Variants in PLEKHS1 observed in about 807,000 individuals in gnomAD.
PLEKHS1 encodes pleckstrin homology domain-containing family S member 1.
Under a neutral mutation model 51.0 loss-of-function variants are expected in PLEKHS1, and 55 were observed. The observed-to-expected ratio is 1.08, with a 90% confidence interval of 0.87 to 1.35. The LOEUF (loss-of-function observed/expected upper bound fraction) is 1.35, where lower values mean the gene tolerates loss of function less well. Ranked by LOEUF, PLEKHS1 falls within the 40% of genes most tolerant of loss-of-function variation. The probability of loss-of-function intolerance (pLI) is 0.00; values close to 1 mark genes in which losing one functional copy is unlikely to be tolerated. For missense variants in PLEKHS1, 398 were observed against 423.0 expected (o/e 0.94, Z 0.52); for synonymous variants, 153 against 144.8 (o/e 1.06, Z -0.41).
At chr10:113,779,156 A>C (rs1406004186) in intron 11 of PLEKHS1, among the ~76,000 whole-genome samples, 2 of 152,218 alleles carry the variant, frequency 1.3e-5, no homozygotes, top group Non-Finnish European at 2.9e-5. Context: ...AAGGTGTCTC[A>C]AAGAAAGTGG....
exon 12 of PLEKHS1, chr10:113,780,699 A>C: frequency 6.2e-7 from 1 of 1,612,396 alleles, no homozygotes; most frequent in Non-Finnish European, 8.5e-7. Context: ...GCACCTTCTC[A>C]GCTGGATAAG....
chr10:113,775,796 C>T (rs1163192647), exon 11 of PLEKHS1: 2 of 1,612,876 alleles, frequency 1.2e-6, no homozygotes, highest in Non-Finnish European at 1.7e-6. Flanking sequence ...AGTGGAGAAA[C>T]TGAACGTTTT....
At chr10:113,782,782 T>C (rs1436660360), downstream of PLEKHS1, 3 of 152,250 alleles carry the variant, frequency 2.0e-5, no homozygotes, top group Non-Finnish European at 2.9e-5. Flanking sequence ...AAACCTCTTT[T>C]CTTATAAATT....
intron 7 of PLEKHS1, among the ~76,000 whole-genome samples, chr10:113,770,348 GCTGT>G (rs1437663456): frequency 1.3e-5 from 2 of 152,138 alleles, no homozygotes; most frequent in Non-Finnish European, 2.9e-5. Context: ...ATTCATTATA[GCTGT>G]CTATCACTTC....
intron 2 of PLEKHS1, among the ~76,000 whole-genome samples, chr10:113,757,117 C>T (rs548751379): frequency 7.4e-4 from 113 of 152,104 alleles, no homozygotes; most frequent in Non-Finnish European, 1.4e-3. Flanking sequence ...GTTTCACCAT[C>T]GTGGCCAGGC....
At chr10:113,752,704 C>A (rs187869663) in intron 1 of PLEKHS1, among the ~76,000 whole-genome samples, 1 of 152,206 alleles carries the variant, frequency 6.6e-6, no homozygotes, top group Non-Finnish European at 1.5e-5. Flanking sequence ...AACCACCACA[C>A]CCTACTGCCT....
chr10:113,761,443 C>G (rs1186530922), intron 2 of PLEKHS1, among the ~76,000 whole-genome samples: 2 of 152,024 alleles, frequency 1.3e-5, no homozygotes, highest in Non-Finnish European at 2.9e-5. Flanking sequence ...TAATTTATGT[C>G]TCTTTATTTC....
chr10:113,777,685 G>A (rs773754629), intron 11 of PLEKHS1: 1 of 1,525,062 alleles, frequency 6.6e-7, no homozygotes, highest in South Asian at 1.2e-5. Flanking sequence ...GCACATATTA[G>A]GTGCTCAATA....
intron 11 of PLEKHS1, among the ~76,000 whole-genome samples, chr10:113,778,643 CTTT>C (rs55821501): frequency 3.1e-5 from 4 of 127,112 alleles, no homozygotes; most frequent in Non-Finnish European, 6.4e-5. Flanking sequence ...CGTTCACTTT[CTTT>C]TTTTTTTTTT....
At position 113,757,594 on chromosome 10, in the gene PLEKHS1, C is replaced by T. The variant is rs201216758; in HGVS notation, c.28+2289C>T. ...GCAGAGGGTCTTGCCTCGATGTTGA[C>T]GGCTGCTGAGTAATCAGGCAGGTTG... On this transcript the variant is annotated intron_variant, in intron 2 of 11. Coordinates refer to ENST00000361048, the Ensembl canonical transcript of PLEKHS1. Among the ~76,000 whole-genome samples the T allele has an allele frequency of 7.9e-5, 12 of 152,332 alleles. No homozygotes were observed. The East Asian group carries it at 1.9e-3, about 24-fold the overall frequency.
intron 11 of PLEKHS1, chr10:113,777,688 G>A (rs896272172): frequency 9.2e-6 from 14 of 1,524,100 alleles, no homozygotes; most frequent in Admixed American, 2.0e-5. Context: ...CATATTAGGT[G>A]CTCAATAAAG....
rs888174247 is a variant in PLEKHS1 at position 113,777,590 on chromosome 10, T to C, written c.1091+1724T>C. On this transcript the variant is annotated intron_variant, in intron 11 of 11. Transcript: ENST00000361048. ...AACCAATTTGTGCCTCAGTTTTCTT[T>C]TCTGTAAAATTATGACTAATGATGG... 1.9e-6 allele frequency: 3 copies of C among 1,549,650 alleles called. No homozygotes were observed. In the African/African-American group the frequency reaches 4.1e-5, roughly 21 times the overall value.
At chr10:113,754,747 G>T (rs569559257) in intron 1 of PLEKHS1, among the ~76,000 whole-genome samples, 41 of 152,296 alleles carry the variant, frequency 2.7e-4, no homozygotes, top group Non-Finnish European at 4.3e-4. Flanking sequence ...GCCTCCCAAA[G>T]TGCTGGGATT....
intron 5 of PLEKHS1, among the ~76,000 whole-genome samples, chr10:113,767,733 TAG>T (rs1844228985): frequency 6.6e-6 from 1 of 152,142 alleles, no homozygotes; most frequent in African/African-American, 2.4e-5. Flanking sequence ...TTCCAGGGGC[TAG>T]GAGTCCGAAA....
intron 11 of PLEKHS1, chr10:113,777,504 A>G: frequency 6.4e-7 from 1 of 1,568,492 alleles, no homozygotes. Context: ...GATCGGCATG[A>G]TGTAGCAAAA....
chr10:113,780,627 T>A (rs1844834392), exon 12 of PLEKHS1: 35 of 1,613,928 alleles, frequency 2.2e-5, no homozygotes, highest in Non-Finnish European at 3.0e-5. Flanking sequence ...ATCGGCAGGA[T>A]CCCAAATTCA....
At chr10:113,777,877 C>A in intron 11 of PLEKHS1, 1 of 988,256 alleles carries the variant, frequency 1.0e-6, no homozygotes, top group Non-Finnish European at 1.4e-6. Context: ...GTAATCCCAG[C>A]ACTTCGGAAG....
intron 2 of PLEKHS1, 36 bp from the exon 3 acceptor site, chr10:113,766,375 A>G: frequency 1.5e-6 from 2 of 1,302,020 alleles, no homozygotes; most frequent in Non-Finnish European, 2.2e-6. Context: ...TCAGAAATTT[A>G]TGAGGAACAA....
At chr10:113,778,400 A>G (rs1283686127) in intron 11 of PLEKHS1, among the ~76,000 whole-genome samples, 1 of 152,302 alleles carries the variant, frequency 6.6e-6, no homozygotes, top group South Asian at 2.1e-4. Context: ...ATTTCTGAAA[A>G]CCATTGTATT....
Sources: gnomAD v4.1 joint callset for allele counts (sites outside exome capture counted in the v4.1 genomes callset) on GRCh38, gnomAD v4.1.1 for gene constraint, MANE v1.5 for transcripts, NCBI Gene and HGNC (gene_info 2026-07-23, HGNC 2026-07-21) for gene names.